Variants in INTS13 observed in about 807,000 individuals in gnomAD.
The protein encoded by INTS13 is asunder, spermatogenesis regulator homolog (Drosphila).
Under a neutral mutation model 90.2 loss-of-function variants are expected in INTS13, and 35 were observed. The observed-to-expected ratio is 0.39, with a 90% CI of 0.30 to 0.51. The LOEUF is 0.51. Ranked by LOEUF, INTS13 falls within the 20% of genes least tolerant of loss-of-function variation. The pLI, the probability that INTS13 is intolerant of heterozygous loss-of-function variation, is 0.80. For synonymous variants in INTS13, 309 were observed against 277.1 expected (o/e 1.11, Z -1.14); for missense variants, 601 against 851.2 (o/e 0.71, Z 3.66).
intron 3 of INTS13, among the ~76,000 whole-genome samples, chr12:26,933,729 A>G (rs1015067373): frequency 1.3e-5 from 2 of 152,202 alleles, no homozygotes; most frequent in East Asian, 3.8e-4. Context: ...ACTGTGCTCC[A>G]AGAAGTTCCT....
chr12:26,928,995 C>T, intron 3 of INTS13, 90 bp from the exon 4 acceptor site: 3 of 1,145,282 alleles, frequency 2.6e-6, no homozygotes, highest in Non-Finnish European at 3.7e-6. Flanking sequence ...ACCAATGTAT[C>T]TTACATATAT....
In INTS13 at chr12:26,930,433, C is replaced by T. The variant is rs77418727; in HGVS notation, c.301-1528G>A. 4.7e-3 allele frequency among the ~76,000 whole-genome samples: 717 copies of T among 152,262 alleles called. 4 individuals are homozygous for T. The highest frequency in any genetic ancestry group is 0.014 in the Middle Eastern group (4 of 294). On this transcript the variant is annotated intron_variant, in intron 3 of 16. Transcript: ENST00000261191. ...TAACCAAGATAGTACGGTACTGGCA[C>T]AAGATAGACATAGAGACACAGAAAG...
At chr12:26,926,735 C>T (rs1264654418) in intron 5 of INTS13, among the ~76,000 whole-genome samples, 1 of 152,098 alleles carries the variant, frequency 6.6e-6, no homozygotes, top group African/African-American at 2.4e-5. Flanking sequence ...GGTTTCTGAC[C>T]CCAGTTCTTG....
chr12:26,934,510 C>T (rs770639145), intron 3 of INTS13, 46 bp downstream of exon 3: 29 of 1,322,654 alleles, frequency 2.2e-5, no homozygotes, highest in Middle Eastern at 1.8e-4. Context: ...AGTATTACCA[C>T]ATTTAGATAA....
intron 14 of INTS13, among the ~76,000 whole-genome samples, chr12:26,912,153 C>T (rs1951793875): frequency 6.6e-6 from 1 of 152,036 alleles, no homozygotes; most frequent in Non-Finnish European, 1.5e-5. Context: ...ATGTGTTTTT[C>T]GTCAGTCGCA....
At chr12:26,917,215 G>T (rs1239350849) in intron 10 of INTS13, 137 bp downstream of exon 10, 2 of 239,372 alleles carry the variant, frequency 8.4e-6, no homozygotes, top group African/African-American at 4.6e-5. Context: ...GCAAATAAAT[G>T]GCAAAGCTAC....
At chr12:26,927,668 TG>T (rs1245239192) in intron 5 of INTS13, among the ~76,000 whole-genome samples, 1 of 152,112 alleles carries the variant, frequency 6.6e-6, no homozygotes, top group East Asian at 1.9e-4. Context: ...CAGGCTGGAG[TG>T]TAGTGGCACA....
intron 8 of INTS13, among the ~76,000 whole-genome samples, chr12:26,917,957 A>G (rs571287596): frequency 1.2e-4 from 18 of 152,088 alleles, no homozygotes; most frequent in Admixed American, 2.6e-4. Context: ...CCCTGTCCCT[A>G]CTAAAACTAC....
At chr12:26,938,016 C>G (rs556051129), upstream of INTS13, 47 of 152,822 alleles carry the variant, frequency 3.1e-4, no homozygotes, top group African/African-American at 1.0e-3. Flanking sequence ...CACACGCACT[C>G]GGGCTCGCGC....
intron 14 of INTS13, 140 bp downstream of exon 14, chr12:26,913,317 A>G (rs936597776): frequency 1.5e-5 from 10 of 671,376 alleles, no homozygotes; most frequent in Non-Finnish European, 2.5e-5. Context: ...TTTAAGAATG[A>G]TAAAATTACA....
chr12:26,915,056 A>G (rs991286739), intron 11 of INTS13, among the ~76,000 whole-genome samples: 1 of 152,210 alleles, frequency 6.6e-6, no homozygotes, highest in African/African-American at 2.4e-5. Context: ...GTGAAACCCC[A>G]TCTTTACTAA....
Position 26,929,093 on chromosome 12 carries a change from T to C in INTS13, c.301-188A>G, listed in dbSNP as rs545701459. 5.5e-4 allele frequency: 307 copies of C among 556,616 alleles called. 3 individuals carry two copies. The highest frequency in any genetic ancestry group is 9.4e-4 in the Middle Eastern group (2 of 2,138). 34.5% of individuals were successfully genotyped at this position (556,616 alleles called of 1,614,324 possible). A position where few individuals can be genotyped will look rare whatever the true frequency, so the allele number is the denominator to read the frequency against. Reference sequence around the variant, plus strand: ...CACCATGAACAAGTGGGATTTATTCTAGGAATGCAAAGTTTATTTAATATG... The same window carrying C: ...CACCATGAACAAGTGGGATTTATTCCAGGAATGCAAAGTTTATTTAATATG... On this transcript the variant is annotated intron_variant, in intron 3 of 16. Transcript: ENST00000261191.
In INTS13 at chr12:26,914,037, A is replaced by C; in HGVS notation, c.1511T>G (p.Met504Arg). The stretch of plus-strand genomic sequence containing the variant: ...AGGTAGAGGATCATTTTTTCTTTCC[A>C]TATCAACTAAGTTGTATATTGTTTT... ...CQKTIYNLVD[M>R]ERKNDPLPIS... Residue 504 changes from methionine (M) to arginine (R), a missense_variant, in exon 13 of 17, where the codon ATG becomes AGG. Coordinates refer to ENST00000261191, the MANE Select transcript of INTS13 (RefSeq NM_018164.3). 1 of 1,611,556 alleles carries C rather than the reference A, an allele frequency of 6.2e-7. No homozygotes were observed. The highest frequency in any genetic ancestry group is 8.5e-7 in the Non-Finnish European group (1 of 1,179,114).
chr12:26,932,087 CAAA>C (rs34658630), intron 3 of INTS13, among the ~76,000 whole-genome samples: 2 of 78,940 alleles, frequency 2.5e-5, no homozygotes, highest in Admixed American at 1.4e-4. Flanking sequence ...AACTCAGTCT[CAAA>C]AAAAAAAAAA....
At chr12:26,936,859 C>G (rs2136332514) in intron 1 of INTS13, 45 bp from the exon 2 acceptor site, 1 of 1,278,638 alleles carries the variant, frequency 7.8e-7, no homozygotes, top group East Asian at 2.4e-5. Context: ...TACATAACAT[C>G]TTACATTTTT....
intron 5 of INTS13, among the ~76,000 whole-genome samples, chr12:26,926,825 C>T (rs1286924212): frequency 6.6e-6 from 1 of 152,200 alleles, no homozygotes; most frequent in Non-Finnish European, 1.5e-5. Flanking sequence ...TTAGTGGGAT[C>T]CTGGACAGCT....
Position 26,905,574 on chromosome 12 carries a change from T to C in INTS13, c.2082-38A>G, listed in dbSNP as rs1951584943. On this transcript the variant is annotated intron_variant, in intron 16 of 16. Coordinates refer to ENST00000261191, the MANE Select transcript of INTS13 (RefSeq NM_018164.3). ...GAAAAAAACGAGTTGATAAAATAAA[T>C]ATTCATTAACATTTTGTCTCCTTAT... 5 of 1,574,656 alleles carry C rather than the reference T, an allele frequency of 3.2e-6. No individual in the cohort carries two copies. In the Admixed American group the frequency reaches 8.6e-5, roughly 27 times the overall value.
At chr12:26,906,989 G>A (rs1220822453) in intron 15 of INTS13, among the ~76,000 whole-genome samples, 2 of 152,176 alleles carry the variant, frequency 1.3e-5, no homozygotes, top group African/African-American at 4.8e-5. Flanking sequence ...ACTTTCAGAA[G>A]GGAAGCAGGT....
At chr12:26,935,923 A>C (rs1195910336) in intron 2 of INTS13, among the ~76,000 whole-genome samples, 1 of 152,230 alleles carries the variant, frequency 6.6e-6, no homozygotes, top group East Asian at 1.9e-4. Flanking sequence ...CTGAAATCTA[A>C]GATTAAACTT....
Sources: gnomAD v4.1 joint callset for allele counts (sites outside exome capture counted in the v4.1 genomes callset) on GRCh38, gnomAD v4.1.1 for gene constraint, MANE v1.5 for transcripts, NCBI Gene and HGNC (gene_info 2026-07-23, HGNC 2026-07-21) for gene names.